The following FOLH1 variants were observed in gnomAD, a reference collection of about 807,000 sequenced individuals.
FOLH1 encodes the protein folate hydrolase 1.
Under a neutral mutation model 93.9 loss-of-function variants are expected in FOLH1, and 54 were observed. That is an observed-to-expected ratio of 0.57 (90% CI 0.46 to 0.72). The LOEUF (loss-of-function observed/expected upper bound fraction) is 0.72. FOLH1 is among the 30% of genes least tolerant of loss of function. The pLI is 0.00. For missense variants in FOLH1, 571 were observed against 892.5 expected (o/e 0.64, Z 4.59); for synonymous variants, 249 against 303.6 (o/e 0.82, Z 1.87).
At chr11:49,204,660 T>G (rs1439158230) in intron 2 of FOLH1, among the ~76,000 whole-genome samples, 1 of 152,052 alleles carries the variant, frequency 6.6e-6, no homozygotes, top group Non-Finnish European at 1.5e-5. Flanking sequence ...ACCTGAGAGG[T>G]ATCCTATCAA....
chr11:49,171,078 G>A (rs1477797476), intron 11 of FOLH1, 117 bp downstream of exon 11: 2 of 1,198,554 alleles, frequency 1.7e-6, no homozygotes, highest in Non-Finnish European at 1.1e-6. Flanking sequence ...CAGATTTTGG[G>A]GAAAAAACTT....
intron 17 of FOLH1, among the ~76,000 whole-genome samples, chr11:49,149,606 T>C (rs1486083848): frequency 6.6e-6 from 1 of 152,170 alleles, no homozygotes; most frequent in Non-Finnish European, 1.5e-5. Context: ...TTTATATTTT[T>C]CATTAGTTTT....
At chr11:49,149,200 A>T (rs1285097088) in intron 17 of FOLH1, among the ~76,000 whole-genome samples, 1 of 152,116 alleles carries the variant, frequency 6.6e-6, no homozygotes, top group Non-Finnish European at 1.5e-5. Context: ...GTGAAAATGA[A>T]CAAACTACCA....
At chr11:49,206,251 A>G (rs190516871) in intron 1 of FOLH1, 79 bp from the exon 2 acceptor site, 1 of 1,593,084 alleles carries the variant, frequency 6.3e-7, no homozygotes, top group Non-Finnish European at 8.6e-7. Context: ...TGTATGTATT[A>G]TTTGTAAAAC....
intron 2 of FOLH1, among the ~76,000 whole-genome samples, chr11:49,205,699 C>T (rs1307316068): frequency 6.6e-6 from 1 of 152,144 alleles, no homozygotes; most frequent in East Asian, 1.9e-4. Context: ...ATATTTTTGA[C>T]ACATCAATTA....
Position 49,200,435 on chromosome 11 carries a change from A to G in FOLH1, c.231T>C (p.Phe77=), listed in dbSNP as rs1173359197. 6.2e-7 allele frequency: 1 copy of G among 1,612,708 alleles called. No homozygotes were observed. Among genetic ancestry groups the G allele is most frequent in the Admixed American group, 1.7e-5 (1 of 59,710 alleles). The stretch of plus-strand genomic sequence containing the variant: ...TTCCTGCTAAATGTGGTATCTGTGT[A>G]AAATTACTGGTGAACAAAAATTGAA... ...AENIKKFLYN[F]TQIPHLAGTE... Residue 77 remains phenylalanine (F), a synonymous_variant, in exon 3 of 19, where the codon TTT becomes TTC. Transcript: ENST00000256999.
At chr11:49,182,015 C>A (rs1365787917) in intron 7 of FOLH1, among the ~76,000 whole-genome samples, 2 of 152,004 alleles carry the variant, frequency 1.3e-5, no homozygotes, top group African/African-American at 4.8e-5. Context: ...TTTAGAAAAG[C>A]CAGTGTTCTC....
intron 13 of FOLH1, among the ~76,000 whole-genome samples, chr11:49,160,143 T>C (rs988286065): frequency 1.3e-5 from 2 of 152,100 alleles, no homozygotes; most frequent in Non-Finnish European, 2.9e-5. Flanking sequence ...TCTCTGATGT[T>C]TGTATTTCTG....
intron 12 of FOLH1, among the ~76,000 whole-genome samples, chr11:49,167,067 T>G (rs770374493): frequency 5.3e-5 from 8 of 151,544 alleles, no homozygotes; most frequent in African/African-American, 1.5e-4. Context: ...AGAAAAAAAC[T>G]ATCAATAAAG....
intron 7 of FOLH1, among the ~76,000 whole-genome samples, chr11:49,176,472 T>C (rs916156099): frequency 4.6e-5 from 7 of 152,194 alleles, no homozygotes; most frequent in Admixed American, 4.6e-4. Context: ...GAAATAAAGA[T>C]TCAGGCAGAC....
At chr11:49,154,008 A>T in intron 16 of FOLH1, 81 bp from the exon 17 acceptor site, 1 of 1,333,706 alleles carries the variant, frequency 7.5e-7, no homozygotes, top group Non-Finnish European at 1.0e-6. Flanking sequence ...GAAAAGGAAC[A>T]ATATAGAAGC....
intron 9 of FOLH1, 42 bp downstream of exon 9, chr11:49,174,850 C>A: frequency 1.4e-6 from 2 of 1,470,340 alleles, no homozygotes; most frequent in Non-Finnish European, 1.9e-6. Flanking sequence ...CAGCACATAA[C>A]AGTTACTTGA....
chr11:49,173,163 C>T lies in FOLH1; in HGVS notation c.1225+194G>A, dbSNP rs187961812. On this transcript the variant is annotated intron_variant, in intron 10 of 18. Transcript: ENST00000256999. Reference sequence around the variant, plus strand: ...AGATTATCACTTAATACATAAATATCAATAATATATGTGTTATATAAATAA... The same window carrying T: ...AGATTATCACTTAATACATAAATATTAATAATATATGTGTTATATAAATAA... Among the ~76,000 whole-genome samples, 3 of 151,968 alleles carry T rather than the reference C, an allele frequency of 2.0e-5. No homozygotes were observed. In the East Asian group the frequency reaches 5.8e-4, roughly 29 times the overall value.
At chr11:49,182,186 G>A (rs1369726053) in intron 7 of FOLH1, among the ~76,000 whole-genome samples, 18 of 151,822 alleles carry the variant, frequency 1.2e-4, no homozygotes, top group East Asian at 5.8e-4. Context: ...AAAATCAGCC[G>A]GGCATAGTGG....
rs34604445 is a variant in FOLH1 at position 49,176,964 on chromosome 11, C to T, written c.921-1007G>A. On this transcript the variant is annotated intron_variant, in intron 7 of 18. Transcript: ENST00000256999. ...AATCTGTCCTGTAAGGCTTTCTCTG[C>T]GGTCACGCACCCTCATGCACTCCAG... is the stretch of plus-strand genomic sequence containing the variant. 6.5e-4 allele frequency among the ~76,000 whole-genome samples: 99 copies of T among 152,312 alleles called. 1 individual carries two copies. Among genetic ancestry groups the T allele is most frequent in the African/African-American group, 2.1e-3 (89 of 41,574 alleles).
chr11:49,165,194 C>A (rs1232768988), intron 12 of FOLH1, among the ~76,000 whole-genome samples: 3 of 152,116 alleles, frequency 2.0e-5, no homozygotes, highest in African/African-American at 7.2e-5. Flanking sequence ...CTCTTTTAAC[C>A]TTGGCTCTTG....
rs962963459 is a variant in FOLH1 at position 49,159,419 on chromosome 11, G to A, written c.1441-1376C>T. 3.3e-5 allele frequency among the ~76,000 whole-genome samples: 5 copies of A among 152,268 alleles called. 1 individual carries two copies. The highest frequency in any genetic ancestry group is 3.3e-4 in the Admixed American group (5 of 15,296). On this transcript the variant is annotated intron_variant, in intron 13 of 18. Transcript: ENST00000256999. The stretch of plus-strand genomic sequence containing the variant: ...GGTTTTTGTTTCTAGTTCTGCCTAT[G>A]TGATTAACTGCATTTATTGATTTGC...
At chr11:49,199,084 G>T (rs1227556884) in intron 3 of FOLH1, among the ~76,000 whole-genome samples, 5 of 151,798 alleles carry the variant, frequency 3.3e-5, no homozygotes, top group Admixed American at 3.3e-4. Context: ...ATAAAAGGAG[G>T]TTATTGACCT....
intron 17 of FOLH1, among the ~76,000 whole-genome samples, chr11:49,150,527 G>T (rs1683208031): frequency 2.6e-5 from 4 of 152,080 alleles, no homozygotes; most frequent in Admixed American, 2.6e-4. Context: ...TGTTTAGTAA[G>T]ATGCCTGGCA....
Sources: allele counts gnomAD v4.1 joint callset (sites outside exome capture counted in the v4.1 genomes callset), GRCh38; gene constraint gnomAD v4.1.1; transcripts MANE v1.5; gene names NCBI Gene and HGNC (gene_info 2026-07-23, HGNC 2026-07-21).